Variants in DPYD observed in about 807,000 individuals in gnomAD.
DPYD encodes the protein dihydropyrimidine dehydrogenase [NADP(+)].
DPYD carries 109 observed loss-of-function variants against 116.2 expected under a neutral mutation model. The ratio of observed to expected loss-of-function variants is 0.94; its 90% CI spans 0.80 to 1.10. DPYD has a LOEUF of 1.10. Among genes scored for constraint, DPYD ranks in the 50% least tolerant of loss-of-function variants. The pLI is 0.00. For missense variants in DPYD, 1,302 were observed against 1,254.5 expected (o/e 1.04, Z -0.57); for synonymous variants, 440 against 432.0 (o/e 1.02, Z -0.23).
chr1:97,173,241 T>TACATGTACATATATCCACAC (rs1553227802), intron 20 of DPYD, among the ~76,000 whole-genome samples: 1 of 124,768 alleles, frequency 8.0e-6, no homozygotes, highest in South Asian at 2.4e-4. Flanking sequence ...TGCGCACACA[T>TACATGTACATATATCCACAC]ATATGTACAT....
At chr1:97,481,267 A>G (rs778814591) in intron 13 of DPYD, among the ~76,000 whole-genome samples, 1 of 152,148 alleles carries the variant, frequency 6.6e-6, no homozygotes, top group Non-Finnish European at 1.5e-5. Flanking sequence ...GGCCAATATG[A>G]CAAAAATTTT....
At chr1:97,173,278 GCA>G (rs1305558881) in intron 20 of DPYD, among the ~76,000 whole-genome samples, 1 of 146,986 alleles carries the variant, frequency 6.8e-6, no homozygotes, top group African/African-American at 2.6e-5. Context: ...ACATATATAT[GCA>G]CACATATATG....
rs191127338 is a variant in DPYD at position 97,503,814 on chromosome 1, C to A, written c.1740+11912G>T. Among the ~76,000 whole-genome samples, 444 of 151,870 alleles carry A rather than the reference C, an allele frequency of 2.9e-3. 2 individuals carry two copies. Among genetic ancestry groups the A allele is most frequent in the Non-Finnish European group, 4.9e-3 (336 of 67,908 alleles). On this transcript the variant is annotated intron_variant, in intron 13 of 22. Coordinates refer to ENST00000370192, the MANE Select transcript of DPYD (RefSeq NM_000110.4). ...ATCCAGAAAAAAAAATCTCTATATG[C>A]AAATAGTTGTATGAAATGTAAGGGT...
chr1:97,247,352 C>T (rs1662786476), intron 18 of DPYD, among the ~76,000 whole-genome samples: 1 of 152,118 alleles, frequency 6.6e-6, no homozygotes, highest in South Asian at 2.1e-4. Context: ...TGTAATACTA[C>T]CCTAGAGCAT....
intron 8 of DPYD, among the ~76,000 whole-genome samples, chr1:97,676,039 G>A (rs752607266): frequency 2.6e-5 from 4 of 152,028 alleles, no homozygotes; most frequent in Admixed American, 6.6e-5. Flanking sequence ...GAGCCACCAC[G>A]CCTGGCCTAC....
chr1:97,919,631 T>C (rs949247634), intron 1 of DPYD, among the ~76,000 whole-genome samples: 2 of 152,168 alleles, frequency 1.3e-5, no homozygotes, highest in South Asian at 2.1e-4. Flanking sequence ...CAAAAAGGAA[T>C]AGACTACCCT....
At chr1:97,761,477 G>C (rs983038370) in intron 3 of DPYD, among the ~76,000 whole-genome samples, 2 of 152,022 alleles carry the variant, frequency 1.3e-5, no homozygotes, top group African/African-American at 4.8e-5. Flanking sequence ...AAATTCTAAA[G>C]ATAGAAAATC....
rs1004753700 is a variant in DPYD, at chr1:97,594,015, C to T, written c.959-628G>A. On this transcript the variant is annotated intron_variant, in intron 9 of 22. Coordinates refer to ENST00000370192, the MANE Select transcript of DPYD (RefSeq NM_000110.4). ...AGTAAAAGAAATATGACTTTCTAAG[C>T]ATCCATTTCTCAAGGTCATCTCTAT... Among the ~76,000 whole-genome samples, 4 of 152,206 alleles carry T rather than the reference C, an allele frequency of 2.6e-5. No individual in the cohort carries two copies. The East Asian group carries it at 7.7e-4, about 29-fold the overall frequency.
At chr1:97,751,633 T>C (rs187150698) in intron 3 of DPYD, among the ~76,000 whole-genome samples, 4 of 151,214 alleles carry the variant, frequency 2.6e-5, no homozygotes, top group African/African-American at 7.3e-5. Flanking sequence ...AAATTAGCCA[T>C]GTATGATGGT....
intron 20 of DPYD, among the ~76,000 whole-genome samples, chr1:97,113,389 C>T (rs937666725): frequency 6.6e-6 from 1 of 151,948 alleles, no homozygotes; most frequent in Non-Finnish European, 1.5e-5. Flanking sequence ...ATTGATCTAG[C>T]TGGTTAGTCC....
chr1:97,852,073 C>A (rs918310951), intron 2 of DPYD, among the ~76,000 whole-genome samples: 2 of 149,344 alleles, frequency 1.3e-5, no homozygotes, highest in Non-Finnish European at 3.0e-5. Flanking sequence ...CTACCTGATG[C>A]CTGAAGGAAA....
intron 13 of DPYD, among the ~76,000 whole-genome samples, chr1:97,503,169 T>C (rs1038010665): frequency 4.6e-5 from 7 of 152,068 alleles, no homozygotes; most frequent in Admixed American, 1.3e-4. Context: ...AATATTTGTA[T>C]ACATTTTATT....
chr1:97,352,271 A>G (rs1670185290), intron 16 of DPYD, among the ~76,000 whole-genome samples: 1 of 152,246 alleles, frequency 6.6e-6, no homozygotes, highest in Non-Finnish European at 1.5e-5. Context: ...TAACCAACTA[A>G]GGAATATAAA....
chr1:97,506,539 T>C (rs1394858522), intron 13 of DPYD, among the ~76,000 whole-genome samples: 2 of 151,970 alleles, frequency 1.3e-5, no homozygotes, highest in Non-Finnish European at 2.9e-5. Context: ...ACTTGCTTTT[T>C]TTAAAAAAGG....
intron 20 of DPYD, among the ~76,000 whole-genome samples, chr1:97,177,007 C>T (rs1397761127): frequency 1.3e-5 from 2 of 151,984 alleles, no homozygotes; most frequent in Non-Finnish European, 2.9e-5. Context: ...GAGTATTTTT[C>T]CCACTCCTAC....
intron 8 of DPYD, among the ~76,000 whole-genome samples, chr1:97,650,694 TTAG>T (rs1658531589): frequency 6.6e-6 from 1 of 152,098 alleles, no homozygotes; most frequent in South Asian, 2.1e-4. Context: ...AAAGAAGGAA[TTAG>T]TAGTCCCTAG....
At chr1:97,779,501 T>A (rs79061935) in intron 3 of DPYD, among the ~76,000 whole-genome samples, 1 of 152,130 alleles carries the variant, frequency 6.6e-6, no homozygotes, top group African/African-American at 2.4e-5. Context: ...CCTGTCTACA[T>A]ATAACCCTCT....
rs1661485682 is a variant in DPYD at position 97,699,647 on chromosome 1, T to C, written c.484-100A>G. ...AACGAATTCTTGTTTTAAATAGCAA[T>C]GAGCAGTACATTTTCAGTATTAATA... is the stretch of plus-strand genomic sequence containing the variant. On this transcript the variant is annotated intron_variant, in intron 5 of 22. Coordinates refer to ENST00000370192, the MANE Select transcript of DPYD (RefSeq NM_000110.4). 2.6e-6 allele frequency: 3 copies of C among 1,160,250 alleles called. No individual in the cohort carries two copies. In the Admixed American group the frequency reaches 5.3e-5, roughly 20 times the overall value. The allele number at this position is 1,160,250 out of a possible 1,614,324, so 71.9% of individuals were successfully genotyped here. A position where few individuals can be genotyped will look rare whatever the true frequency, so the allele number is the denominator to read the frequency against.
In DPYD at chr1:97,498,730, T is replaced by C. The variant is rs182571388; in HGVS notation, c.1740+16996A>G. On this transcript the variant is annotated intron_variant, in intron 13 of 22. Coordinates refer to ENST00000370192, the MANE Select transcript of DPYD (RefSeq NM_000110.4). ...GGTGTCATGACTTTTGAATACAATG[T>C]GGAAAGATTAAATTAAACCATTTAA... Among the ~76,000 whole-genome samples, 32 of 151,826 alleles carry C rather than the reference T, an allele frequency of 2.1e-4. No homozygotes were observed. In the East Asian group the frequency reaches 5.8e-3, roughly 28 times the overall value.
Sources: gnomAD v4.1 joint callset for allele counts (sites outside exome capture counted in the v4.1 genomes callset) on GRCh38, gnomAD v4.1.1 for gene constraint, MANE v1.5 for transcripts, NCBI Gene and HGNC (gene_info 2026-07-23, HGNC 2026-07-21) for gene names.